Variants in ZNF718 observed in about 807,000 individuals in gnomAD.
ZNF718 encodes the protein zinc finger protein 718.
Under a neutral mutation model 2.6 loss-of-function variants are expected in ZNF718, and 3 were observed. That is an observed-to-expected ratio of 1.16 (90% confidence interval 0.53 to 3.01). The LOEUF (loss-of-function observed/expected upper bound fraction) is 3.01, where lower values mean the gene tolerates loss of function less well. Ranked by LOEUF, ZNF718 falls within the 30% of genes most tolerant of loss-of-function variation. ZNF718 has a pLI of 0.03. For missense variants in ZNF718, 468 were observed against 230.0 expected (o/e 2.03, Z -6.69); for synonymous variants, 135 against 77.9 (o/e 1.73, Z -3.86).
At chr4:173,024 A>G (rs924089206) in intron 3 of ZNF718, among the ~76,000 whole-genome samples, 2 of 152,128 alleles carry the variant, frequency 1.3e-5, no homozygotes, top group African/African-American at 4.8e-5. Flanking sequence ...CAGCCTGAAG[A>G]CAGAGTGAGA....
At chr4:200,865 CA>C (rs1362090677) in intron 3 of ZNF718, among the ~76,000 whole-genome samples, 2 of 152,134 alleles carry the variant, frequency 1.3e-5, no homozygotes, top group Non-Finnish European at 2.9e-5. Context: ...AGCAAATTCA[CA>C]AGGCAATACT....
chr4:171,751 C>G (rs1169517104), intron 3 of ZNF718, among the ~76,000 whole-genome samples: 2 of 152,170 alleles, frequency 1.3e-5, no homozygotes, highest in Non-Finnish European at 2.9e-5. Flanking sequence ...TCATCCCTTT[C>G]TTTGACTAGG....
Position 124,539 on chromosome 4 carries a change from C to G in ZNF718, c.-132C>G. On this transcript the variant is annotated 5_prime_UTR_variant, in exon 1 of 4. Transcript: ENST00000510175. ...AGCTCCAGCCAGAGCTCGGTTAGGG[C>G]CTCATCGCTCTGCTCCCGCTCCTTA... 7.7e-7 allele frequency: 1 copy of G among 1,293,786 alleles called. No individual in the cohort carries two copies. Among genetic ancestry groups the G allele is most frequent in the Non-Finnish European group, 1.1e-6 (1 of 908,000 alleles). 80.1% of individuals were successfully genotyped at this position (1,293,786 alleles called of 1,614,324 possible).
At chr4:126,879 T>G (rs1282609563) in intron 1 of ZNF718, among the ~76,000 whole-genome samples, 3 of 151,272 alleles carry the variant, frequency 2.0e-5, no homozygotes, top group Non-Finnish European at 4.4e-5. Flanking sequence ...CAGGCTGGAG[T>G]GCAGTAGTGC....
At chr4:141,884 A>T (rs1029265352) in intron 3 of ZNF718, 3 of 344,394 alleles carry the variant, frequency 8.7e-6, no homozygotes, top group Non-Finnish European at 1.8e-5. Flanking sequence ...ACATTTTATA[A>T]AGGGATTTCA....
At chr4:158,878 A>G (rs1413115948) in intron 3 of ZNF718, among the ~76,000 whole-genome samples, 1 of 125,464 alleles carries the variant, frequency 8.0e-6, no homozygotes, top group Non-Finnish European at 1.6e-5. Flanking sequence ...TCAGTGAAAG[A>G]TACTTTCTTT....
chr4:194,483 G>A (rs1230843285), intron 3 of ZNF718, among the ~76,000 whole-genome samples: 1 of 152,156 alleles, frequency 6.6e-6, no homozygotes, highest in Non-Finnish European at 1.5e-5. Context: ...CTTACCTGTG[G>A]GGAATTGTTC....
At chr4:166,691 G>T (rs1288686141), downstream of ZNF718, among the ~76,000 whole-genome samples, 1 of 152,058 alleles carries the variant, frequency 6.6e-6, no homozygotes, top group Non-Finnish European at 1.5e-5. Context: ...ACTTTTTGAT[G>T]GGGCTGTTTG....
At chr4:153,341 T>G (rs1716420807) in intron 3 of ZNF718, among the ~76,000 whole-genome samples, 2 of 152,090 alleles carry the variant, frequency 1.3e-5, no homozygotes, top group Non-Finnish European at 2.9e-5. Context: ...TGGAGTCAGG[T>G]AGTGTGATGT....
intron 3 of ZNF718, among the ~76,000 whole-genome samples, chr4:141,701 T>G (rs1165778477): frequency 2.6e-5 from 4 of 152,226 alleles, no homozygotes; most frequent in African/African-American, 4.8e-5. Flanking sequence ...TAAAATAGTA[T>G]ATGCTGTCAA....
At position 129,339 on chromosome 4, in the gene ZNF718, C is replaced by T. The variant is rs1359045812; in HGVS notation, c.4-1449C>T. Among the ~76,000 whole-genome samples, 5 of 103,844 alleles carry T rather than the reference C, an allele frequency of 4.8e-5. 1 individual carries two copies. Among genetic ancestry groups the T allele is most frequent in the African/African-American group, 1.3e-4 (4 of 29,922 alleles). 68.1% of individuals were successfully genotyped at this position (103,844 alleles called of 152,430 possible). On this transcript the variant is annotated intron_variant, in intron 1 of 3. Transcript: ENST00000510175. ...GAAAAGACAAAACTGAAAATACTTA[C>T]GGGCATAGAGAGCAGATGCCTAGGG...
intron 3 of ZNF718, among the ~76,000 whole-genome samples, chr4:186,262 G>A (rs1354214447): frequency 2.0e-5 from 3 of 152,072 alleles, no homozygotes; most frequent in Non-Finnish European, 2.9e-5. Context: ...AGCCAGATAT[G>A]AAATTCTGGG....
intron 3 of ZNF718, among the ~76,000 whole-genome samples, chr4:159,040 CTTT>C (rs201288037): frequency 1.5e-5 from 2 of 136,372 alleles, no homozygotes; most frequent in African/African-American, 2.7e-5. Flanking sequence ...TTTCTTTTTT[CTTT>C]TTTTTTTTTT....
At chr4:158,020 T>TAC (rs557993169) in intron 3 of ZNF718, among the ~76,000 whole-genome samples, 103 of 152,172 alleles carry the variant, frequency 6.8e-4, no homozygotes, top group African/African-American at 2.3e-3. Flanking sequence ...TAATGTGAGA[T>TAC]ACACACACAC....
chr4:126,177 C>T (rs1553807987), intron 1 of ZNF718, among the ~76,000 whole-genome samples: 1 of 152,210 alleles, frequency 6.6e-6, no homozygotes, highest in Non-Finnish European at 1.5e-5. Context: ...TCATCCCTTA[C>T]GTGCCTACAA....
downstream of ZNF718, among the ~76,000 whole-genome samples, chr4:167,908 A>C (rs1553817220): frequency 6.6e-6 from 1 of 152,058 alleles, no homozygotes; most frequent in African/African-American, 2.4e-5. Flanking sequence ...GTGGTGAGAG[A>C]GGGCATCCCT....
At chr4:143,064 A>G (rs1164009808) in intron 3 of ZNF718, among the ~76,000 whole-genome samples, 5 of 152,240 alleles carry the variant, frequency 3.3e-5, no homozygotes, top group African/African-American at 9.6e-5. Flanking sequence ...ACGTGCAACC[A>G]TGAGAACACC....
chr4:141,442 A>G (rs1180403027), intron 3 of ZNF718, among the ~76,000 whole-genome samples: 2 of 152,242 alleles, frequency 1.3e-5, no homozygotes, highest in African/African-American at 4.8e-5. Flanking sequence ...CAGTTTGGCA[A>G]TTATTTTTTT....
intron 3 of ZNF718, among the ~76,000 whole-genome samples, chr4:151,746 G>A (rs1716332411): frequency 6.6e-6 from 1 of 152,046 alleles, no homozygotes; most frequent in African/African-American, 2.4e-5. Context: ...AACCAATGTA[G>A]GGGTGGGTTG....
Sources: allele counts gnomAD v4.1 joint callset (sites outside exome capture counted in the v4.1 genomes callset), GRCh38; gene constraint gnomAD v4.1.1; transcripts MANE v1.5; gene names NCBI Gene and HGNC (gene_info 2026-07-23, HGNC 2026-07-21).